Variants in CPQ observed in about 807,000 individuals in gnomAD.
The protein encoded by CPQ is carboxypeptidase Q.
Under a neutral mutation model 45.7 loss-of-function variants are expected in CPQ, and 37 were observed. The ratio of observed to expected loss-of-function variants is 0.81; its 90% confidence interval spans 0.62 to 1.07. CPQ has a LOEUF of 1.07. Among genes scored for constraint, CPQ ranks in the 50% least tolerant of loss-of-function variants. The probability of loss-of-function intolerance (pLI) is 0.00; values close to 1 mark genes in which losing one functional copy is unlikely to be tolerated. For missense variants in CPQ, 537 were observed against 572.9 expected (o/e 0.94, Z 0.64); for synonymous variants, 186 against 205.8 (o/e 0.90, Z 0.82).
intron 3 of CPQ, 87 bp downstream of exon 3, chr8:96,835,267 C>G: frequency 9.5e-7 from 1 of 1,051,466 alleles, no homozygotes; most frequent in Non-Finnish European, 1.3e-6. Context: ...ACAAACCATT[C>G]AAATGAAAAT....
intron 7 of CPQ, chr8:97,092,834 A>C (rs1811148320): frequency 6.6e-6 from 1 of 152,216 alleles, no homozygotes; most frequent in Non-Finnish European, 1.5e-5. Context: ...GACCTAATTA[A>C]AGAGTTTCTG....
chr8:96,735,084 C>G (rs1469812836), intron 1 of CPQ, among the ~76,000 whole-genome samples: 1 of 152,100 alleles, frequency 6.6e-6, no homozygotes, highest in Non-Finnish European at 1.5e-5. Context: ...TGGGCCCCAT[C>G]CTGTATGTTT....
chr8:96,672,983 C>A (rs2455052), intron 1 of CPQ, among the ~76,000 whole-genome samples: 96,649 of 151,724 alleles, frequency 0.64, 31,088 homozygotes, highest in Middle Eastern at 0.68. Flanking sequence ...GTGTACTGTT[C>A]ACTCTGGGTA....
At chr8:96,648,323 C>G (rs1357848058) in intron 1 of CPQ, among the ~76,000 whole-genome samples, 1 of 152,128 alleles carries the variant, frequency 6.6e-6, no homozygotes, top group East Asian at 1.9e-4. Flanking sequence ...AACATTAAAG[C>G]AACAATTTTT....
chr8:96,713,280 G>A (rs915071885), intron 1 of CPQ, among the ~76,000 whole-genome samples: 2 of 152,166 alleles, frequency 1.3e-5, no homozygotes, highest in African/African-American at 4.8e-5. Flanking sequence ...TCTCAAAACT[G>A]TTCCAACCTC....
intron 1 of CPQ, among the ~76,000 whole-genome samples, chr8:96,659,042 G>A (rs751191816): frequency 1.3e-5 from 2 of 152,190 alleles, no homozygotes; most frequent in Admixed American, 6.5e-5. Context: ...TGTTGTAAGG[G>A]TTAGGAAATG....
intron 5 of CPQ, among the ~76,000 whole-genome samples, chr8:97,024,804 A>G (rs1809770048): frequency 6.6e-6 from 1 of 152,212 alleles, no homozygotes; most frequent in African/African-American, 2.4e-5. Context: ...GCAGGAATAT[A>G]AATCTCTTTA....
At chr8:96,862,110 A>G (rs118021681) in intron 3 of CPQ, among the ~76,000 whole-genome samples, 2,450 of 152,178 alleles carry the variant, frequency 0.016, 25 homozygotes, top group Middle Eastern at 0.031. Flanking sequence ...AGTGTGTGTT[A>G]TAGGAGATGG....
At position 97,107,908 on chromosome 8, in the gene CPQ, G is replaced by A. The variant is rs560171044; in HGVS notation, c.1256-35112G>A. Among the ~76,000 whole-genome samples, 4 of 152,340 alleles carry A rather than the reference G, an allele frequency of 2.6e-5. No individual in the cohort carries two copies. The East Asian group carries it at 7.7e-4, about 29-fold the overall frequency. ...CTGAGTAGGCAAAAGGGAAGAGGCT[G>A]TGGTGTGCAAGTGTAGAAATGGGCT... On this transcript the variant is annotated intron_variant, in intron 7 of 7. Transcript: ENST00000220763.
At position 96,679,202 on chromosome 8, in the gene CPQ, C is replaced by A. The variant is rs374331699; in HGVS notation, c.-35+33800C>A. On this transcript the variant is annotated intron_variant, in intron 1 of 7. Transcript: ENST00000220763. ...ATTCATATGGTCTTTGTCCCTCATT[C>A]TGTTGATGTGATGTATCATATTTAT... 5.9e-5 allele frequency among the ~76,000 whole-genome samples: 9 copies of A among 152,086 alleles called. No homozygotes were observed. The East Asian group carries it at 1.7e-3, about 29-fold the overall frequency.
chr8:96,841,859 G>A (rs921169788), intron 3 of CPQ, among the ~76,000 whole-genome samples: 5 of 152,240 alleles, frequency 3.3e-5, no homozygotes, highest in Admixed American at 3.3e-4. Context: ...ACCATCTGGT[G>A]AGAGAGACAT....
chr8:96,857,539 T>C (rs1206327064), intron 3 of CPQ, among the ~76,000 whole-genome samples: 2 of 152,246 alleles, frequency 1.3e-5, no homozygotes, highest in Admixed American at 1.3e-4. Flanking sequence ...TGAAAAATCT[T>C]TCTTAACTGG....
At chr8:96,918,088 A>G (rs1176390226) in intron 4 of CPQ, among the ~76,000 whole-genome samples, 1 of 152,102 alleles carries the variant, frequency 6.6e-6, no homozygotes, top group African/African-American at 2.4e-5. Context: ...CCAGGGGATA[A>G]TGCATAGCTA....
Position 97,122,884 on chromosome 8 carries a change from C to CAATAAAATAAAATAAAATAA in CPQ, c.1256-20109_1256-20090dup, listed in dbSNP as rs1193951271. Among the ~76,000 whole-genome samples the CAATAAAATAAAATAAAATAA allele has an allele frequency of 8.4e-5, 6 of 71,142 alleles. 2 individuals carry two copies. The highest frequency in any genetic ancestry group is 5.0e-4 in the African/African-American group (6 of 11,946). 46.7% of individuals were successfully genotyped at this position (71,142 alleles called of 152,430 possible). On this transcript the variant is annotated intron_variant, in intron 7 of 7. Coordinates refer to ENST00000220763, the MANE Select transcript of CPQ (RefSeq NM_016134.4). ...TGGGCAACAGAGTGAAACTCTGTCT[C>CAATAAAATAAAATAAAATAA]AATAAAATAAAATAAAATAAAATAA...
intron 2 of CPQ, among the ~76,000 whole-genome samples, chr8:96,792,189 G>T (rs1012176250): frequency 6.6e-6 from 1 of 152,154 alleles, no homozygotes; most frequent in Admixed American, 6.5e-5. Context: ...ATACAAGCAG[G>T]CCAAGTCCGA....
intron 7 of CPQ, among the ~76,000 whole-genome samples, chr8:97,123,066 A>ATAAATAAAATAAAATAAAT: frequency 2.1e-5 from 1 of 47,814 alleles, no homozygotes; most frequent in South Asian, 5.3e-4. Flanking sequence ...ATAAAATAAA[A>ATAAATAAAATAAAATAAAT]AAAATAAAAT....
At chr8:96,976,853 A>C (rs967172169) in intron 5 of CPQ, among the ~76,000 whole-genome samples, 12 of 152,182 alleles carry the variant, frequency 7.9e-5, no homozygotes, top group Non-Finnish European at 1.6e-4. Context: ...TTAACTCAAG[A>C]TGGAACAAAA....
chr8:96,782,784 T>G lies in CPQ; in HGVS notation c.-34-2080T>G, dbSNP rs188978806. ...AAAAGAAGCCACACAGCTCCTTCAG[T>G]ATTTTGCTTAGAAATTTCTTCCATC... On this transcript the variant is annotated intron_variant, in intron 1 of 7. Coordinates refer to ENST00000220763, the MANE Select transcript of CPQ (RefSeq NM_016134.4). 3.9e-4 allele frequency among the ~76,000 whole-genome samples: 60 copies of G among 152,314 alleles called. 1 individual carries two copies. Among genetic ancestry groups the G allele is most frequent in the African/African-American group, 1.4e-3 (60 of 41,578 alleles).
intron 6 of CPQ, among the ~76,000 whole-genome samples, chr8:97,057,622 A>AT (rs1263121191): frequency 3.9e-5 from 6 of 152,110 alleles, no homozygotes; most frequent in African/African-American, 1.4e-4. Flanking sequence ...TGCCTTAAAC[A>AT]TTTATTGTTC....
Sources: allele counts gnomAD v4.1 joint callset (sites outside exome capture counted in the v4.1 genomes callset), GRCh38; gene constraint gnomAD v4.1.1; transcripts MANE v1.5; gene names NCBI Gene and HGNC (gene_info 2026-07-23, HGNC 2026-07-21).